The following SLCO4A1 variants were observed in gnomAD, a reference collection of about 807,000 sequenced individuals.
The protein encoded by SLCO4A1 is colon organic anion transporter.
SLCO4A1 carries 51 observed loss-of-function variants against 64.6 expected under a neutral mutation model. The ratio of observed to expected loss-of-function variants is 0.79; its 90% CI spans 0.63 to 1.00. The LOEUF is 1.00. SLCO4A1 is among the 50% of genes least tolerant of loss of function. The probability of loss-of-function intolerance (pLI) is 0.00; values close to 1 mark genes in which losing one functional copy is unlikely to be tolerated. For synonymous variants in SLCO4A1, 471 were observed against 444.9 expected, an observed-to-expected ratio of 1.06 and a Z score of -0.74; for missense variants, 919 against 980.5, an observed-to-expected ratio of 0.94 and a Z score of 0.84.
Position 62,666,385 on chromosome 20 carries a change from C to T in SLCO4A1, c.1282C>T (p.Leu428=). ...ASEAATLFGY[L]VVPAGGGGTF... is the part of the protein sequence containing the mutation. The stretch of plus-strand genomic sequence containing the variant: ...GAATCCCTCCCTCTCCCCAGGGTAC[C>T]TGGTGGTGCCAGCGGGTGGTGGCGG... The change falls in exon 7 of 12, where the codon CTG becomes TTG. Residue 428 remains leucine (L), a synonymous_variant. Coordinates refer to ENST00000217159, the MANE Select transcript of SLCO4A1 (RefSeq NM_016354.4). 1.2e-6 allele frequency: 2 copies of T among 1,612,784 alleles called. No individual in the cohort carries two copies. The highest frequency in any genetic ancestry group is 1.7e-6 in the Non-Finnish European group (2 of 1,179,838).
intron 2 of SLCO4A1, among the ~76,000 whole-genome samples, chr20:62,677,858 G>A (rs1987664608): frequency 6.6e-6 from 1 of 152,246 alleles, no homozygotes; most frequent in Admixed American, 6.5e-5. Flanking sequence ...CAGCCAGGCC[G>A]AGTCCGCCGT....
intron 1 of SLCO4A1, among the ~76,000 whole-genome samples, chr20:62,655,958 CG>C (rs1983633029): frequency 6.6e-6 from 1 of 152,222 alleles, no homozygotes; most frequent in South Asian, 2.1e-4. Flanking sequence ...GGGGCCAGGG[CG>C]GGGTGACCTG....
chr20:62,652,928 A>G (rs944471677), intron 1 of SLCO4A1, among the ~76,000 whole-genome samples: 1 of 152,334 alleles, frequency 6.6e-6, no homozygotes, highest in East Asian at 1.9e-4. Context: ...GGCAGCTGTG[A>G]CGCAGACGCT....
In SLCO4A1 at chr20:62,657,280, CA is replaced by C. The variant is rs1460440096; in HGVS notation, c.796+31del. The C allele has an allele frequency of 4.7e-6, 7 of 1,492,756 alleles. No individual in the cohort carries two copies. In the Admixed American group the frequency reaches 1.2e-4, roughly 26 times the overall value. 92.5% of individuals were successfully genotyped at this position (1,492,756 alleles called of 1,614,324 possible). A position where few individuals can be genotyped will look rare whatever the true frequency, so the allele number is the denominator to read the frequency against. On this transcript the variant is annotated intron_variant, in intron 2 of 11. Coordinates refer to ENST00000217159, the MANE Select transcript of SLCO4A1 (RefSeq NM_016354.4). ...GTGGGGCTGGCGGGGTAAGTGCTGGCAGGGGTGGCTGAGGGCAGTGTTGCAG... is the reference window on the plus strand; with the variant it reads ...GTGGGGCTGGCGGGGTAAGTGCTGGCGGGGTGGCTGAGGGCAGTGTTGCAG...
At chr20:62,668,418 G>T in intron 9 of SLCO4A1, 59 bp from the exon 10 acceptor site, 1 of 1,562,156 alleles carries the variant, frequency 6.4e-7, no homozygotes, top group Non-Finnish European at 8.8e-7. Context: ...TGGCCTAGGG[G>T]GTGACTTGGC....
chr20:62,661,041 C>CCCCCCCCCCCCCCCCCCAAA lies in SLCO4A1; in HGVS notation c.1010-23_1010-22insCCCCCCCCCCCCCCCCCAAA. The CCCCCCCCCCCCCCCCCCAAA allele has an allele frequency of 2.1e-6, 3 of 1,424,142 alleles. No homozygotes were observed. Among genetic ancestry groups the CCCCCCCCCCCCCCCCCCAAA allele is most frequent in the Non-Finnish European group, 3.0e-6 (3 of 1,010,140 alleles). The allele number at this position is 1,424,142 out of a possible 1,614,324, so 88.2% of individuals were successfully genotyped here. On this transcript the variant is annotated intron_variant, in intron 4 of 11. Transcript: ENST00000217159. The surrounding 1 kb of genome is among the most constrained non-coding windows in gnomAD (Gnocchi z 5.2). ...TCCGGGAGCCCCCAGCCCCCAGCCCCAGCTCACTCTGTGCCCTTCCAGGCT... is the reference window on the plus strand; with the variant it reads ...TCCGGGAGCCCCCAGCCCCCAGCCCCCCCCCCCCCCCCCCCCCAAAAGCTCACTCTGTGCCCTTCCAGGCT...
downstream of SLCO4A1, among the ~76,000 whole-genome samples, chr20:62,676,334 C>T (rs751268330): frequency 2.7e-4 from 41 of 152,104 alleles, no homozygotes; most frequent in African/African-American, 9.4e-4. Context: ...GTGGGAGGAT[C>T]GCCTAAGCCT....
At chr20:62,687,217 C>CGATGGAAAGGGCGCCCCCAAACAGGAGCG (rs1569159388), downstream of SLCO4A1, among the ~76,000 whole-genome samples, 181 of 151,630 alleles carry the variant, frequency 1.2e-3, 1 homozygote, top group African/African-American at 3.9e-3. Context: ...CAAACAGGAG[C>CGATGGAAAGGGCGCCCCCAAACAGGAGCG]GGGGGCCTCT....
At chr20:62,654,624 G>A (rs533085269) in intron 1 of SLCO4A1, among the ~76,000 whole-genome samples, 5 of 152,386 alleles carry the variant, frequency 3.3e-5, no homozygotes, top group African/African-American at 1.2e-4. Context: ...CCCGGCCTCA[G>A]CCTGATGTCA....
Position 62,685,616 on chromosome 20 carries a change from T to C in SLCO4A1, n.387T>C, listed in dbSNP as rs1245482380. On this transcript the variant is annotated non_coding_transcript_exon_variant, in exon 3 of 3. Transcript: ENST00000466818. The surrounding 1 kb of genome is among the most constrained non-coding windows in gnomAD (Gnocchi z 4.6). ...CTGCCTGTGTTCTCCTGGGAGAGAATGCATTTGCTTCCGATGCCCAGGGCA... is the reference window on the plus strand; with the variant it reads ...CTGCCTGTGTTCTCCTGGGAGAGAACGCATTTGCTTCCGATGCCCAGGGCA... 5 of 220,922 alleles carry C rather than the reference T, an allele frequency of 2.3e-5. No individual in the cohort carries two copies. Among genetic ancestry groups the C allele is most frequent in the Non-Finnish European group, 3.1e-5 (4 of 130,968 alleles). 13.7% of individuals were successfully genotyped at this position (220,922 alleles called of 1,614,324 possible).
At chr20:62,656,163 C>A (rs1461598443) in intron 1 of SLCO4A1, among the ~76,000 whole-genome samples, 196 bp from the exon 2 acceptor site, 1 of 152,266 alleles carries the variant, frequency 6.6e-6, no homozygotes, top group Non-Finnish European at 1.5e-5. Context: ...CACCTTTCCG[C>A]AGCGGAGCTG....
At chr20:62,687,141 G>GGGGCACCCCCAAACAGGAGCGATGGAAA (rs1289992227), downstream of SLCO4A1, among the ~76,000 whole-genome samples, 40 of 113,086 alleles carry the variant, frequency 3.5e-4, no homozygotes, top group African/African-American at 6.9e-4. Flanking sequence ...CACGATGGGT[G>GGGGCACCCCCAAACAGGAGCGATGGAAA]GGGCACCCCC....
chr20:62,672,268 G>A lies in SLCO4A1; in HGVS notation c.*375G>A, dbSNP rs115652099. The A allele has an allele frequency of 7.9e-4, 911 of 1,154,700 alleles. 18 individuals are homozygous for A. The African/African-American group carries it at 0.013, about 17-fold the overall frequency. 71.5% of individuals were successfully genotyped at this position (1,154,700 alleles called of 1,614,324 possible). A position where few individuals can be genotyped will look rare whatever the true frequency, so the allele number is the denominator to read the frequency against. On this transcript the variant is annotated 3_prime_UTR_variant, in exon 12 of 12. Transcript: ENST00000217159. Reference sequence around the variant, plus strand: ...GTCCTCAGTTAAAACTGTGCATATCGAAATATATTTTGTTATTTAAGCCTG... The same window carrying A: ...GTCCTCAGTTAAAACTGTGCATATCAAAATATATTTTGTTATTTAAGCCTG...
intron 2 of SLCO4A1, among the ~76,000 whole-genome samples, chr20:62,679,466 A>C (rs1472696437): frequency 6.6e-6 from 1 of 151,578 alleles, no homozygotes; most frequent in Non-Finnish European, 1.5e-5. Flanking sequence ...GTCTCAAGTG[A>C]TCCTCCCACC....
Position 62,661,009 on chromosome 20 carries a change from G to T in SLCO4A1, c.1010-55G>T. 9.0e-7 allele frequency: 1 copy of T among 1,106,772 alleles called. No homozygotes were observed. 68.6% of individuals were successfully genotyped at this position (1,106,772 alleles called of 1,614,324 possible). ...TGGGGGCAGAGCCTCTCTCGGAGAA[G>T]TCCACCTCCGGGAGCCCCCAGCCCC... is the stretch of plus-strand genomic sequence containing the variant. On this transcript the variant is annotated intron_variant, in intron 4 of 11. Transcript: ENST00000217159. The surrounding 1 kb of genome is among the most constrained non-coding windows in gnomAD (Gnocchi z 5.2).
At chr20:62,653,125 C>T (rs936092085) in intron 1 of SLCO4A1, among the ~76,000 whole-genome samples, 2 of 152,242 alleles carry the variant, frequency 1.3e-5, no homozygotes, top group Non-Finnish European at 2.9e-5. Context: ...CGGGATTCTT[C>T]ACAGCAGCTG....
chr20:62,650,666 G>A (rs534258260), intron 1 of SLCO4A1: 4 of 152,402 alleles, frequency 2.6e-5, no homozygotes, highest in South Asian at 2.1e-4. Context: ...GGCCCCAGCA[G>A]CATTTGTCAT....
At chr20:62,666,718 C>A in intron 7 of SLCO4A1, 143 bp downstream of exon 7, 1 of 705,218 alleles carries the variant, frequency 1.4e-6, no homozygotes, top group Non-Finnish European at 2.4e-6. Flanking sequence ...GCAACACCCG[C>A]TCAGCAGGGC....
chr20:62,664,781 C>T (rs1985765953), intron 5 of SLCO4A1, 153 bp from the exon 6 acceptor site: 2 of 911,648 alleles, frequency 2.2e-6, no homozygotes. Context: ...GCAGGTTCCT[C>T]CCACCCTGGG....
Sources: gnomAD v4.1 joint callset for allele counts (sites outside exome capture counted in the v4.1 genomes callset) on GRCh38, gnomAD v4.1.1 for gene constraint, Gnocchi (gnomAD v3.1) non-coding constraint, MANE v1.5 for transcripts, NCBI Gene and HGNC (gene_info 2026-07-23, HGNC 2026-07-21) for gene names.